The following PTPRK variants were observed in gnomAD, a reference collection of about 807,000 sequenced individuals.
PTPRK encodes the protein receptor-type tyrosine-protein phosphatase kappa.
PTPRK carries 75 observed loss-of-function variants against 178.0 expected under a neutral mutation model. The ratio of observed to expected loss-of-function variants is 0.42; its 90% CI spans 0.35 to 0.51. The LOEUF is 0.51. Ranked by LOEUF, PTPRK falls within the 20% of genes least tolerant of loss-of-function variation. PTPRK has a pLI of 0.02. For missense variants in PTPRK, 1,441 were observed against 1,797.8 expected, an observed-to-expected ratio of 0.80 and a Z score of 3.59; for synonymous variants, 637 against 620.6, an observed-to-expected ratio of 1.03 and a Z score of -0.39.
At chr6:128,439,521 A>T (rs1351198437) in intron 1 of PTPRK, among the ~76,000 whole-genome samples, 1 of 152,226 alleles carries the variant, frequency 6.6e-6, no homozygotes, top group African/African-American at 2.4e-5. Context: ...AAAATGCTTT[A>T]TTCATGATTT....
intron 23 of PTPRK, 112 bp downstream of exon 23, chr6:127,983,130 A>C: frequency 2.3e-6 from 3 of 1,283,538 alleles, no homozygotes; most frequent in Non-Finnish European, 3.2e-6. Context: ...TATTGATTAC[A>C]CATGAAAAAC....
At chr6:128,434,035 C>T (rs1458010366) in intron 1 of PTPRK, among the ~76,000 whole-genome samples, 1 of 151,408 alleles carries the variant, frequency 6.6e-6, no homozygotes, top group African/African-American at 2.4e-5. Context: ...ATAATTTATC[C>T]TAAAATCACC....
intron 13 of PTPRK, among the ~76,000 whole-genome samples, chr6:128,062,984 T>C (rs1434579408): frequency 6.6e-6 from 1 of 152,166 alleles, no homozygotes; most frequent in African/African-American, 2.4e-5. Flanking sequence ...GGCCTATATA[T>C]GTTATTTTAA....
chr6:128,255,180 G>A (rs1023876450), intron 3 of PTPRK, among the ~76,000 whole-genome samples: 21 of 152,032 alleles, frequency 1.4e-4, no homozygotes, highest in Admixed American at 7.2e-4. Context: ...TAGTAGAGAC[G>A]GGGTTTCACC....
In PTPRK at chr6:128,218,931, T is replaced by C. The variant is rs543677042; in HGVS notation, c.859A>G (p.Ile287Val). 6.8e-5 allele frequency: 109 copies of C among 1,604,716 alleles called. No homozygotes were observed. The East Asian group carries it at 2.3e-3, about 34-fold the overall frequency. The change falls in exon 6 of 30, where the codon ATT (isoleucine) becomes GTT (valine). Residue 287 changes from isoleucine to valine, a missense_variant. By Grantham distance (29) the Ile-to-Val change is conservative. Around this residue, in one of 4 missense-constraint regions of PTPRK, gnomAD observed 945 missense variants for 1,080.6 expected, o/e 0.87. Coordinates refer to ENST00000368226, the MANE Select transcript of PTPRK (RefSeq NM_002844.4). ...AACAATTTCACCTTACCTCTCACAA[T>C]AAGTTGAGCAAAATTGGACACACCG... ...GSGVSNFAQL[I>V]VREPPRPIAP...
At chr6:128,363,532 T>C (rs1433936083) in intron 2 of PTPRK, among the ~76,000 whole-genome samples, 1 of 152,152 alleles carries the variant, frequency 6.6e-6, no homozygotes, top group Non-Finnish European at 1.5e-5. Flanking sequence ...AATGGTCTGT[T>C]CTAAACTACT....
chr6:128,238,781 C>T (rs76623162), intron 5 of PTPRK, among the ~76,000 whole-genome samples: 1 of 151,906 alleles, frequency 6.6e-6, no homozygotes, highest in Non-Finnish European at 1.5e-5. Context: ...ACCATAATCA[C>T]AGAAAAAAGG....
chr6:128,006,731 C>T (rs1316504141), intron 14 of PTPRK, among the ~76,000 whole-genome samples: 1 of 150,776 alleles, frequency 6.6e-6, no homozygotes, highest in Non-Finnish European at 1.5e-5. Flanking sequence ...ATATAATACA[C>T]AACCAATGAA....
chr6:128,269,292 G>C (rs992585605), intron 3 of PTPRK, among the ~76,000 whole-genome samples: 10 of 151,834 alleles, frequency 6.6e-5, no homozygotes, highest in African/African-American at 2.4e-4. Context: ...AATATGTCAG[G>C]CACTGCTGCA....
chr6:128,500,709 C>A (rs2128437071), intron 1 of PTPRK: 1 of 152,262 alleles, frequency 6.6e-6, no homozygotes, highest in Middle Eastern at 3.4e-3. Flanking sequence ...GTCTCTATGT[C>A]TTCTCCCACT....
intron 1 of PTPRK, among the ~76,000 whole-genome samples, chr6:128,483,352 T>A (rs1047248334): frequency 1.3e-5 from 2 of 152,174 alleles, no homozygotes; most frequent in Admixed American, 1.3e-4. Context: ...ACTTGCTTTA[T>A]CCTATTAATT....
At chr6:127,987,621 A>G (rs1776131266) in intron 21 of PTPRK, among the ~76,000 whole-genome samples, 1 of 152,086 alleles carries the variant, frequency 6.6e-6, no homozygotes, top group South Asian at 2.1e-4. Flanking sequence ...TATTATCCAT[A>G]CTTTTCTTGG....
At chr6:128,191,324 C>A (rs1283285998) in intron 6 of PTPRK, among the ~76,000 whole-genome samples, 1 of 152,046 alleles carries the variant, frequency 6.6e-6, no homozygotes, top group Non-Finnish European at 1.5e-5. Flanking sequence ...ACTGCGTGAT[C>A]TCACTTATAT....
intron 1 of PTPRK, among the ~76,000 whole-genome samples, chr6:128,509,550 T>C (rs1305466467): frequency 6.6e-6 from 1 of 152,160 alleles, no homozygotes; most frequent in Admixed American, 6.5e-5. Flanking sequence ...AAGTTTCTAT[T>C]CCTAACAAAA....
intron 1 of PTPRK, among the ~76,000 whole-genome samples, chr6:128,466,861 A>G (rs1313391578): frequency 6.6e-6 from 1 of 152,194 alleles, no homozygotes; most frequent in Non-Finnish European, 1.5e-5. Context: ...AAATGAATAA[A>G]CCCTTAAAAA....
At chr6:128,247,690 A>C (rs921869951) in intron 3 of PTPRK, among the ~76,000 whole-genome samples, 2 of 152,208 alleles carry the variant, frequency 1.3e-5, no homozygotes, top group African/African-American at 4.8e-5. Flanking sequence ...CTATAAAGGA[A>C]AGTTTATAGG....
intron 3 of PTPRK, among the ~76,000 whole-genome samples, chr6:128,284,553 C>G (rs145127442): frequency 1.3e-5 from 2 of 152,172 alleles, no homozygotes; most frequent in South Asian, 2.1e-4. Flanking sequence ...ATGAATGTTT[C>G]TACTTTGCAG....
At chr6:128,490,785 AG>A (rs1853658456) in intron 1 of PTPRK, among the ~76,000 whole-genome samples, 1 of 152,212 alleles carries the variant, frequency 6.6e-6, no homozygotes, top group Non-Finnish European at 1.5e-5. Flanking sequence ...AGAGGCTGAA[AG>A]TCCAAGATCA....
chr6:128,457,845 C>T (rs986103894), intron 1 of PTPRK, among the ~76,000 whole-genome samples: 2 of 152,110 alleles, frequency 1.3e-5, no homozygotes, highest in Non-Finnish European at 2.9e-5. Context: ...TCATAAGGTA[C>T]TGTCATTTGG....
Sources: allele counts gnomAD v4.1 joint callset (sites outside exome capture counted in the v4.1 genomes callset), GRCh38; gene constraint gnomAD v4.1.1; regional missense constraint gnomAD v4.1.1; transcripts MANE v1.5; gene names NCBI Gene and HGNC (gene_info 2026-07-23, HGNC 2026-07-21).